The following WIPF1 variants were observed in gnomAD, a reference collection of about 807,000 sequenced individuals.
WIPF1 encodes WAS/WASL interacting protein family member 1.
Under a neutral mutation model 35.4 loss-of-function variants are expected in WIPF1, and 13 were observed. The ratio of observed to expected loss-of-function variants is 0.37; its 90% CI spans 0.24 to 0.58. The LOEUF (loss-of-function observed/expected upper bound fraction) is 0.58, where lower values mean the gene tolerates loss of function less well. WIPF1 is among the 20% of genes least tolerant of loss of function. The pLI, the probability that WIPF1 is intolerant of heterozygous loss-of-function variation, is 0.74. For synonymous variants in WIPF1, 267 were observed against 266.3 expected (o/e 1.00, Z -0.02); for missense variants, 591 against 667.0 (o/e 0.89, Z 1.25).
chr2:174,650,175 C>T (rs531357590), intron 1 of WIPF1, among the ~76,000 whole-genome samples: 1 of 152,274 alleles, frequency 6.6e-6, no homozygotes, highest in South Asian at 2.1e-4. Context: ...TACAGCTGTG[C>T]CCCCTTACTC....
chr2:174,634,575 T>C (rs948265682), intron 1 of WIPF1: 1 of 152,256 alleles, frequency 6.6e-6, no homozygotes, highest in African/African-American at 2.4e-5. Context: ...TGCTGTCTTC[T>C]AGCCAGTTTC....
At chr2:174,680,660 A>G (rs1015996719) in intron 1 of WIPF1, among the ~76,000 whole-genome samples, 15 of 152,204 alleles carry the variant, frequency 9.9e-5, no homozygotes, top group African/African-American at 3.1e-4. Flanking sequence ...AGACCCAGTA[A>G]TGAATACTGT....
At chr2:174,574,589 G>A (rs1684984658) in intron 4 of WIPF1, 1 of 342,534 alleles carries the variant, frequency 2.9e-6, no homozygotes, top group African/African-American at 2.1e-5. Context: ...CATGCCCTCT[G>A]CAAAGTTTTT....
chr2:174,598,526 C>T (rs1191851127), upstream of WIPF1, among the ~76,000 whole-genome samples: 3 of 151,988 alleles, frequency 2.0e-5, no homozygotes, highest in African/African-American at 4.8e-5. Context: ...GCTTTGTTGC[C>T]CAGCCTGGTC....
At chr2:174,575,505 T>TA in intron 3 of WIPF1, 125 bp from the exon 4 acceptor site, 1 of 1,436,924 alleles carries the variant, frequency 7.0e-7, no homozygotes, top group Non-Finnish European at 9.1e-7. Flanking sequence ...ATTTCTTCAT[T>TA]AAAATGCAGG....
At chr2:174,589,275 T>G (rs1298642515) in intron 1 of WIPF1, among the ~76,000 whole-genome samples, 1 of 152,248 alleles carries the variant, frequency 6.6e-6, no homozygotes, top group Non-Finnish European at 1.5e-5. Flanking sequence ...GTGAAAGAAC[T>G]GTGTATCACA....
intron 1 of WIPF1, among the ~76,000 whole-genome samples, chr2:174,614,343 C>T (rs1292471437): frequency 6.6e-6 from 1 of 152,194 alleles, no homozygotes; most frequent in Non-Finnish European, 1.5e-5. Flanking sequence ...CGGATAGTCT[C>T]ACCCAACTAG....
intron 7 of WIPF1, among the ~76,000 whole-genome samples, chr2:174,564,781 T>TGTA (rs1458063153): frequency 6.6e-6 from 1 of 151,278 alleles, no homozygotes; most frequent in Non-Finnish European, 1.5e-5. Context: ...GAAGAAGGGC[T>TGTA]GTACTCTTAT....
chr2:174,624,563 G>A (rs1394738373), intron 1 of WIPF1, among the ~76,000 whole-genome samples: 3 of 152,162 alleles, frequency 2.0e-5, no homozygotes, highest in African/African-American at 7.2e-5. Flanking sequence ...TGCCTTCCAT[G>A]TTTCATCTCA....
rs11902744 is a variant in WIPF1, at chr2:174,664,832, T to C, written c.-39+17942A>G. 4.9e-3 allele frequency among the ~76,000 whole-genome samples: 747 copies of C among 152,304 alleles called. 8 individuals carry two copies. The highest frequency in any genetic ancestry group is 0.017 in the African/African-American group (722 of 41,562). ...TTTTTAAATAGAGACAAGGTCTTGC[T>C]ATGTTGCCCAGGCTGGTCTCAAACT... On this transcript the variant is annotated intron_variant, in intron 1 of 8. Transcript: ENST00000272746.
chr2:174,652,347 AAT>A (rs2105962994), intron 1 of WIPF1, among the ~76,000 whole-genome samples: 1 of 152,358 alleles, frequency 6.6e-6, no homozygotes, highest in South Asian at 2.1e-4. Context: ...GTGCTTACAG[AAT>A]ATGAGCCACT....
At chr2:174,606,879 G>A (rs4595937) in intron 1 of WIPF1, among the ~76,000 whole-genome samples, 4 of 151,934 alleles carry the variant, frequency 2.6e-5, no homozygotes, top group Admixed American at 6.6e-5. Flanking sequence ...GAATACTGGC[G>A]ACTGAGTAAT....
At chr2:174,630,222 T>G (rs779547276) in intron 1 of WIPF1, among the ~76,000 whole-genome samples, 1 of 152,208 alleles carries the variant, frequency 6.6e-6, no homozygotes, top group Non-Finnish European at 1.5e-5. Context: ...TATGTCATAT[T>G]AAAATCTGGG....
At chr2:174,564,193 G>T in intron 7 of WIPF1, among the ~76,000 whole-genome samples, 1 of 152,256 alleles carries the variant, frequency 6.6e-6, no homozygotes, top group Non-Finnish European at 1.5e-5. Context: ...CTTGGTACTC[G>T]ACGGTGCCTT....
chr2:174,585,237 A>G (rs768080794), intron 2 of WIPF1, among the ~76,000 whole-genome samples: 17 of 152,230 alleles, frequency 1.1e-4, no homozygotes, highest in Non-Finnish European at 2.2e-4. Flanking sequence ...TGCAAACCCT[A>G]TCTTGGGCCA....
upstream of WIPF1, among the ~76,000 whole-genome samples, chr2:174,601,426 T>C (rs1262729571): frequency 2.0e-5 from 3 of 152,112 alleles, no homozygotes; most frequent in East Asian, 3.9e-4. Context: ...GCTTACACCA[T>C]TGGGCAATGT....
At chr2:174,659,479 G>T (rs1687712106) in intron 1 of WIPF1, among the ~76,000 whole-genome samples, 1 of 152,138 alleles carries the variant, frequency 6.6e-6, no homozygotes, top group South Asian at 2.1e-4. Flanking sequence ...AGCGAGTAAT[G>T]GTATACGAGT....
At chr2:174,676,284 C>A (rs1688128662) in intron 1 of WIPF1, 2 of 146,656 alleles carry the variant, frequency 1.4e-5, no homozygotes, top group East Asian at 2.0e-4. Flanking sequence ...CCCTCCCTCC[C>A]TCCCTCCCTT....
intron 3 of WIPF1, 69 bp from the exon 4 acceptor site, chr2:174,575,449 T>A (rs1685025311): frequency 6.7e-7 from 1 of 1,488,932 alleles, no homozygotes; most frequent in Non-Finnish European, 8.9e-7. Flanking sequence ...AAAACAACAG[T>A]ACAACAGGGA....
Sources: allele counts gnomAD v4.1 joint callset (sites outside exome capture counted in the v4.1 genomes callset), GRCh38; gene constraint gnomAD v4.1.1; transcripts MANE v1.5; gene names NCBI Gene and HGNC (gene_info 2026-07-23, HGNC 2026-07-21).